The following TNIK variants were observed in gnomAD, a reference collection of about 807,000 sequenced individuals.
TNIK encodes the protein TRAF2 and NCK interacting kinase.
In TNIK, 49 loss-of-function variants were observed where a neutral mutation model predicts 191.3. That is an observed-to-expected ratio of 0.26 (90% CI 0.20 to 0.32). The LOEUF (loss-of-function observed/expected upper bound fraction) is 0.32, where lower values mean the gene tolerates loss of function less well. TNIK is among the 10% of genes least tolerant of loss of function. The pLI, the probability that TNIK is intolerant of heterozygous loss-of-function variation, is 1.00. For synonymous variants in TNIK, 594 were observed against 600.9 expected (o/e 0.99, Z 0.17); for missense variants, 1,155 against 1,702.3 (o/e 0.68, Z 5.66).
chr3:171,299,829 G>T (rs1752698975), intron 2 of TNIK, among the ~76,000 whole-genome samples: 1 of 152,158 alleles, frequency 6.6e-6, no homozygotes, highest in African/African-American at 2.4e-5. Flanking sequence ...CTGAGTGGTA[G>T]CCACAGGCTT....
chr3:171,417,519 G>T (rs938357431), intron 1 of TNIK, among the ~76,000 whole-genome samples: 2 of 152,066 alleles, frequency 1.3e-5, no homozygotes, highest in Middle Eastern at 3.4e-3. Flanking sequence ...ATTGTGAAAG[G>T]TATTATAACT....
intron 12 of TNIK, among the ~76,000 whole-genome samples, chr3:171,151,681 T>A (rs1732450491): frequency 6.6e-6 from 1 of 152,210 alleles, no homozygotes; most frequent in Non-Finnish European, 1.5e-5. Context: ...CCTGGCAGTC[T>A]TAGGCTCTAG....
At chr3:171,068,285 G>T (rs1718725168) in intron 30 of TNIK, among the ~76,000 whole-genome samples, 3 of 152,114 alleles carry the variant, frequency 2.0e-5, no homozygotes, top group Non-Finnish European at 4.4e-5. Context: ...AATCCTATGG[G>T]ATAAGTCTTT....
At chr3:171,386,336 T>C (rs1718727563) in intron 1 of TNIK, among the ~76,000 whole-genome samples, 1 of 152,378 alleles carries the variant, frequency 6.6e-6, no homozygotes, top group South Asian at 2.1e-4. Context: ...CATATCTTTT[T>C]GGAAAGCCTA....
At chr3:171,137,206 CAGAT>C (rs1472795022) in intron 15 of TNIK, among the ~76,000 whole-genome samples, 2 of 133,626 alleles carry the variant, frequency 1.5e-5, no homozygotes, top group Non-Finnish European at 3.1e-5. Flanking sequence ...GTACATATGT[CAGAT>C]AGGTTAGACA....
intron 32 of TNIK, among the ~76,000 whole-genome samples, chr3:171,065,696 C>T (rs1718352921): frequency 6.6e-6 from 1 of 152,164 alleles, no homozygotes; most frequent in African/African-American, 2.4e-5. Context: ...AGACATGGCA[C>T]TAGTTGAGTT....
At position 171,138,584 on chromosome 3, in the gene TNIK, T is replaced by C. The variant is rs375203071; in HGVS notation, c.1420-205A>G. Among the ~76,000 whole-genome samples, 9 of 152,132 alleles carry C rather than the reference T, an allele frequency of 5.9e-5. No individual in the cohort carries two copies. In the East Asian group the frequency reaches 1.5e-3, roughly 26 times the overall value. ...TTAGTATCTACACAAGAATGTGTCA[T>C]TTAATGAAAACGCTATTGCTTTAAA... On this transcript the variant is annotated intron_variant, in intron 14 of 32. Coordinates refer to ENST00000436636, the MANE Select transcript of TNIK (RefSeq NM_015028.4).
intron 12 of TNIK, among the ~76,000 whole-genome samples, chr3:171,152,821 G>A (rs930410477): frequency 2.6e-5 from 4 of 151,502 alleles, no homozygotes; most frequent in African/African-American, 9.7e-5. Flanking sequence ...GCCCAGGCTG[G>A]AGTGCAGTGG....
chr3:171,282,588 C>T (rs1246071123), intron 2 of TNIK, among the ~76,000 whole-genome samples: 1 of 152,160 alleles, frequency 6.6e-6, no homozygotes, highest in Non-Finnish European at 1.5e-5. Context: ...AGGTGATCCA[C>T]CTGCCTCGGC....
intron 1 of TNIK, among the ~76,000 whole-genome samples, chr3:171,427,321 C>T (rs953201264): frequency 1.3e-5 from 2 of 152,162 alleles, no homozygotes; most frequent in African/African-American, 4.8e-5. Context: ...TCCATCTCAG[C>T]TCTTATGTTT....
At chr3:171,109,223 G>A (rs1725464690) in intron 19 of TNIK, among the ~76,000 whole-genome samples, 1 of 152,196 alleles carries the variant, frequency 6.6e-6, no homozygotes, top group Non-Finnish European at 1.5e-5. Flanking sequence ...GCGCAGTGGG[G>A]CCATCATAGC....
At chr3:171,104,103 G>T (rs1232530573) in intron 21 of TNIK, among the ~76,000 whole-genome samples, 1 of 151,136 alleles carries the variant, frequency 6.6e-6, no homozygotes, top group African/African-American at 2.5e-5. Context: ...CAGTTTGGAG[G>T]CGAGACATAT....
chr3:171,319,251 C>T (rs1754943340), intron 2 of TNIK, among the ~76,000 whole-genome samples: 1 of 152,004 alleles, frequency 6.6e-6, no homozygotes, highest in East Asian at 1.9e-4. Flanking sequence ...TTGAGAAACG[C>T]TTTATCCTTT....
intron 1 of TNIK, among the ~76,000 whole-genome samples, chr3:171,421,525 G>A (rs1285755939): frequency 1.3e-5 from 2 of 152,078 alleles, no homozygotes; most frequent in Non-Finnish European, 2.9e-5. Flanking sequence ...TTTTGGGTGT[G>A]GGTGCCTGTG....
chr3:171,167,072 T>G (rs557858014), intron 10 of TNIK, 23 bp downstream of exon 10: 1 of 1,601,990 alleles, frequency 6.2e-7, no homozygotes, highest in African/African-American at 1.3e-5. Context: ...TTTCTGCTGC[T>G]GAAATACAAA....
chr3:171,175,415 C>G, intron 8 of TNIK, 85 bp from the exon 9 acceptor site: 2 of 1,090,410 alleles, frequency 1.8e-6, no homozygotes, highest in Non-Finnish European at 2.6e-6. Flanking sequence ...ATAATGGCTG[C>G]CCAATGACCC....
intron 2 of TNIK, among the ~76,000 whole-genome samples, chr3:171,279,903 C>G (rs911595284): frequency 2.0e-5 from 3 of 152,156 alleles, no homozygotes; most frequent in Non-Finnish European, 4.4e-5. Context: ...TAGACTCCTT[C>G]AGAATCTATC....
chr3:171,398,868 A>G (rs10936683), intron 1 of TNIK, among the ~76,000 whole-genome samples: 74,467 of 151,758 alleles, frequency 0.49, 19,075 homozygotes, highest in African/African-American at 0.59. Flanking sequence ...AATAATTCTT[A>G]TTTTTCAAGA....
At chr3:171,125,770 T>C (rs1362099986) in intron 17 of TNIK, 142 bp downstream of exon 17, 2 of 1,285,812 alleles carry the variant, frequency 1.6e-6, no homozygotes, top group African/African-American at 3.0e-5. Context: ...AGCCAGGGAA[T>C]GAAGAGGGAC....
Sources: gnomAD v4.1 joint callset for allele counts (sites outside exome capture counted in the v4.1 genomes callset) on GRCh38, gnomAD v4.1.1 for gene constraint, MANE v1.5 for transcripts, NCBI Gene and HGNC (gene_info 2026-07-23, HGNC 2026-07-21) for gene names.